Variants in TEAD1 observed in about 807,000 individuals in gnomAD.
TEAD1 encodes the protein transcriptional enhancer factor TEF-1.
In TEAD1, 9 loss-of-function variants were observed where a neutral mutation model predicts 54.9. The ratio of observed to expected loss-of-function variants is 0.16; its 90% CI spans 0.10 to 0.29. The LOEUF (loss-of-function observed/expected upper bound fraction) is 0.29, where lower values mean the gene tolerates loss of function less well. Among genes scored for constraint, TEAD1 ranks in the 10% least tolerant of loss-of-function variants. The pLI is 1.00. For missense variants in TEAD1, 387 were observed against 535.9 expected (o/e 0.72, Z 2.74); for synonymous variants, 200 against 187.8 (o/e 1.07, Z -0.53).
intron 3 of TEAD1, among the ~76,000 whole-genome samples, chr11:12,803,415 G>C (rs1442017703): frequency 6.6e-6 from 1 of 152,220 alleles, no homozygotes; most frequent in Non-Finnish European, 1.5e-5. Context: ...CTTGGTTTAA[G>C]TTCATTGTTT....
At position 12,860,282 on chromosome 11, in the gene TEAD1, A is replaced by G. The variant is rs374416623; in HGVS notation, c.203-1968A>G. 1.1e-4 allele frequency among the ~76,000 whole-genome samples: 17 copies of G among 152,312 alleles called. No homozygotes were observed. The East Asian group carries it at 1.5e-3, about 14-fold the overall frequency. On this transcript the variant is annotated intron_variant, in intron 3 of 12. Coordinates refer to ENST00000527636, the MANE Select transcript of TEAD1 (RefSeq NM_021961.6). ...GTCTTCTTATTCTTAAATATGTTCTAAGATAGAATGGGCTACTTCCTCAAT... is the reference window on the plus strand; with the variant it reads ...GTCTTCTTATTCTTAAATATGTTCTGAGATAGAATGGGCTACTTCCTCAAT...
At chr11:12,785,708 G>T (rs566871606) in intron 3 of TEAD1, among the ~76,000 whole-genome samples, 18 of 152,288 alleles carry the variant, frequency 1.2e-4, no homozygotes, top group Admixed American at 1.2e-3. Context: ...GGTTTGGTCT[G>T]TGGATCTTGG....
At chr11:12,804,005 A>G (rs752126509) in intron 3 of TEAD1, among the ~76,000 whole-genome samples, 10 of 152,212 alleles carry the variant, frequency 6.6e-5, no homozygotes, top group East Asian at 3.9e-4. Context: ...GGTGGTGTAC[A>G]TGTGTAATTA....
rs1166730485 is a variant in TEAD1, at chr11:12,685,035, C to T, written c.-55+9474C>T. Among the ~76,000 whole-genome samples, 3 of 152,182 alleles carry T rather than the reference C, an allele frequency of 2.0e-5. No homozygotes were observed. The East Asian group carries it at 5.8e-4, about 29-fold the overall frequency. On this transcript the variant is annotated intron_variant, in intron 2 of 12. Transcript: ENST00000527636. ...AGCTGGTCCTGCTCTGCTCACATTC[C>T]CAGCTACACTTCTGGGTGTGTCAAT...
Position 12,811,694 on chromosome 11 carries a change from A to G in TEAD1, c.202+47260A>G, listed in dbSNP as rs567463460. ...CAGAAGTCCAGGGAATCAGAGAGGA[A>G]CAGTGGGTTGGAGTAGATCTGTGGG... On this transcript the variant is annotated intron_variant, in intron 3 of 12. Coordinates refer to ENST00000527636, the MANE Select transcript of TEAD1 (RefSeq NM_021961.6). 5.9e-5 allele frequency among the ~76,000 whole-genome samples: 9 copies of G among 152,210 alleles called. No individual in the cohort carries two copies. In the East Asian group the frequency reaches 1.7e-3, roughly 29 times the overall value.
chr11:12,892,517 G>T (rs1351564787), intron 9 of TEAD1, among the ~76,000 whole-genome samples: 1 of 152,152 alleles, frequency 6.6e-6, no homozygotes, highest in South Asian at 2.1e-4. Context: ...GATGGTGGGT[G>T]CCTGTAATCC....
rs1949131940 is a variant in TEAD1 at position 12,938,717 on chromosome 11, G to T, written c.*1495G>T. On this transcript the variant is annotated 3_prime_UTR_variant, in exon 13 of 13. Coordinates refer to ENST00000527636, the MANE Select transcript of TEAD1 (RefSeq NM_021961.6). ...AACTTTCCAATCTAAGTATTCCAGA[G>T]CATTGCCCAGGCAGAGTTGGTTTGA... 1 of 152,272 alleles carries T rather than the reference G, an allele frequency of 6.6e-6. No individual in the cohort carries two copies. The highest frequency in any genetic ancestry group is 2.1e-4 in the South Asian group (1 of 4,834). The allele number at this position is 152,272 out of a possible 1,614,324, so 9.4% of individuals were successfully genotyped here.
At chr11:12,886,062 A>G (rs1276507565) in intron 9 of TEAD1, among the ~76,000 whole-genome samples, 3 of 152,370 alleles carry the variant, frequency 2.0e-5, no homozygotes, top group Non-Finnish European at 4.4e-5. Flanking sequence ...AAACAGGGCA[A>G]GCTTCCTTGA....
At chr11:12,797,175 A>T (rs1291877915) in intron 3 of TEAD1, among the ~76,000 whole-genome samples, 1 of 152,240 alleles carries the variant, frequency 6.6e-6, no homozygotes, top group Non-Finnish European at 1.5e-5. Context: ...AAGCACTAGT[A>T]TCCCAGATGG....
rs879808878 is a variant in TEAD1 at position 12,937,759 on chromosome 11, A to G, written c.*537A>G. The G allele has an allele frequency of 2.6e-5, 4 of 152,694 alleles. No individual in the cohort carries two copies. Among genetic ancestry groups the G allele is most frequent in the Non-Finnish European group, 4.4e-5 (3 of 68,106 alleles). The allele number at this position is 152,694 out of a possible 1,614,324, so 9.5% of individuals were successfully genotyped here. On this transcript the variant is annotated 3_prime_UTR_variant, in exon 13 of 13. Coordinates refer to ENST00000527636, the MANE Select transcript of TEAD1 (RefSeq NM_021961.6). ...AACTAATTAGGGTGGAAGTTATGAA[A>G]GAATGTAATTCACTAAATTATTTTT...
At chr11:12,847,003 C>T (rs753161262) in intron 3 of TEAD1, among the ~76,000 whole-genome samples, 16 of 152,186 alleles carry the variant, frequency 1.1e-4, no homozygotes, top group South Asian at 2.1e-4. Context: ...GCATCCAACA[C>T]GACTGTGAGC....
In TEAD1 at chr11:12,834,775, T is replaced by C. The variant is rs562249569; in HGVS notation, c.203-27475T>C. Reference sequence around the variant, plus strand: ...CTCTGTGCCCACTCTTTTTTTTTTTTTTTCTTAATTTTAAGTTTGTTTGTA... The same window carrying C: ...CTCTGTGCCCACTCTTTTTTTTTTTCTTTCTTAATTTTAAGTTTGTTTGTA... On this transcript the variant is annotated intron_variant, in intron 3 of 12. Coordinates refer to ENST00000527636, the MANE Select transcript of TEAD1 (RefSeq NM_021961.6). Among the ~76,000 whole-genome samples, 71 of 151,194 alleles carry C rather than the reference T, an allele frequency of 4.7e-4. 1 individual carries two copies. The highest frequency in any genetic ancestry group is 1.7e-3 in the African/African-American group (70 of 41,178).
At chr11:12,765,010 G>A (rs79492259) in intron 3 of TEAD1, among the ~76,000 whole-genome samples, 3,214 of 151,608 alleles carry the variant, frequency 0.021, 120 homozygotes, top group African/African-American at 0.074. Flanking sequence ...CCACCAATTT[G>A]CTACTTTGCT....
chr11:12,879,353 C>T lies in TEAD1; in HGVS notation c.331-355C>T, dbSNP rs1044713477. On this transcript the variant is annotated intron_variant, in intron 5 of 12. Coordinates refer to ENST00000527636, the MANE Select transcript of TEAD1 (RefSeq NM_021961.6). ...CCATCCGTTTGCTTAAAAGCAGGGC[C>T]TTTATTTTTTTTTCTTCCTTAAATG... 7 of 540,792 alleles carry T rather than the reference C, an allele frequency of 1.3e-5. No individual in the cohort carries two copies. The African/African-American group carries it at 1.3e-4, about 10-fold the overall frequency. 33.5% of individuals were successfully genotyped at this position (540,792 alleles called of 1,614,324 possible).
intron 2 of TEAD1, among the ~76,000 whole-genome samples, chr11:12,751,313 A>G (rs982315758): frequency 6.6e-6 from 1 of 151,458 alleles, no homozygotes; most frequent in African/African-American, 2.4e-5. Context: ...AGGAAAAATT[A>G]CTAAAGGCAT....
chr11:12,714,176 C>G (rs997780851), intron 2 of TEAD1, among the ~76,000 whole-genome samples: 3 of 152,134 alleles, frequency 2.0e-5, no homozygotes, highest in Admixed American at 6.5e-5. Flanking sequence ...AGGGCGGTAG[C>G]TGGGAGAAGG....
rs1949187788 is a variant in TEAD1 at position 12,944,278 on chromosome 11, T to C, written c.*7056T>C. ...TTCTCACACATGTTTTCTTAACCTA[T>C]TTGCAGAAACTTTCAAAAGGCATTT... is the stretch of plus-strand genomic sequence containing the variant. On this transcript the variant is annotated 3_prime_UTR_variant, in exon 13 of 13. Coordinates refer to ENST00000527636, the MANE Select transcript of TEAD1 (RefSeq NM_021961.6). 1 of 152,598 alleles carries C rather than the reference T, an allele frequency of 6.6e-6. No homozygotes were observed. The highest frequency in any genetic ancestry group is 6.5e-5 in the Admixed American group (1 of 15,282). The allele number at this position is 152,598 out of a possible 1,614,324, so 9.5% of individuals were successfully genotyped here.
intron 2 of TEAD1, among the ~76,000 whole-genome samples, chr11:12,702,047 G>C (rs1943714130): frequency 6.6e-6 from 1 of 152,136 alleles, no homozygotes; most frequent in Admixed American, 6.5e-5. Context: ...CCTTTGATCT[G>C]CTCACAGACT....
intron 3 of TEAD1, among the ~76,000 whole-genome samples, chr11:12,768,914 G>A (rs1382550034): frequency 2.6e-5 from 4 of 152,256 alleles, no homozygotes; most frequent in Non-Finnish European, 4.4e-5. Flanking sequence ...TACCAAGGTC[G>A]AGGGCACCTG....
Sources: allele counts gnomAD v4.1 joint callset (sites outside exome capture counted in the v4.1 genomes callset), GRCh38; gene constraint gnomAD v4.1.1; transcripts MANE v1.5; gene names NCBI Gene and HGNC (gene_info 2026-07-23, HGNC 2026-07-21).